IMMP2L: variants seen among roughly 807,000 people sequenced by gnomAD.
IMMP2L encodes the protein inner mitochondrial membrane peptidase subunit 2.
Under a neutral mutation model 19.3 loss-of-function variants are expected in IMMP2L, and 18 were observed. That is an observed-to-expected ratio of 0.93 (90% CI 0.64 to 1.38). The LOEUF is 1.38. Among genes scored for constraint, IMMP2L ranks in the 40% most tolerant of loss-of-function variants. IMMP2L has a pLI of 0.00. For missense variants in IMMP2L, 233 were observed against 218.2 expected, an observed-to-expected ratio of 1.07 and a Z score of -0.43; for synonymous variants, 76 against 73.0, an observed-to-expected ratio of 1.04 and a Z score of -0.21.
intron 5 of IMMP2L, among the ~76,000 whole-genome samples, chr7:110,783,577 A>G: frequency 6.6e-6 from 1 of 151,906 alleles, no homozygotes; most frequent in East Asian, 1.9e-4. Context: ...CTCCTGGTAT[A>G]TATAGACAGT....
At chr7:111,510,116 A>T (rs547798814) in intron 2 of IMMP2L, among the ~76,000 whole-genome samples, 1 of 152,300 alleles carries the variant, frequency 6.6e-6, no homozygotes, top group East Asian at 1.9e-4. Context: ...AGTTACATGA[A>T]GAAAATAGAG....
intron 5 of IMMP2L, among the ~76,000 whole-genome samples, chr7:110,810,582 T>C (rs1457630828): frequency 3.3e-5 from 5 of 152,048 alleles, no homozygotes; most frequent in South Asian, 4.1e-4. Context: ...TTGCAATTTT[T>C]TGAATCTTTG....
chr7:111,075,426 C>A (rs554854558), intron 3 of IMMP2L, among the ~76,000 whole-genome samples: 2 of 152,236 alleles, frequency 1.3e-5, no homozygotes, highest in South Asian at 2.1e-4. Flanking sequence ...CTGCACCCGA[C>A]CTTGTTTACA....
intron 5 of IMMP2L, among the ~76,000 whole-genome samples, chr7:110,856,262 C>CT (rs995250039): frequency 1.3e-5 from 2 of 151,816 alleles, no homozygotes; most frequent in African/African-American, 4.8e-5. Flanking sequence ...TTAGTTTATT[C>CT]TTTTTTTAAG....
At position 110,932,909 on chromosome 7, in the gene IMMP2L, T is replaced by C. The variant is rs62464017; in HGVS notation, c.305+30591A>G. ...AATTTGCGAGCATGATATATGACCA[T>C]ACATGCCTGCAATAGGAGGGTGAAC... On this transcript the variant is annotated intron_variant, in intron 4 of 5. Coordinates refer to ENST00000405709, the MANE Select transcript of IMMP2L (RefSeq NM_032549.4). Among the ~76,000 whole-genome samples the C allele has an allele frequency of 6.5e-3, 992 of 152,284 alleles. 3 individuals are homozygous for C. Among genetic ancestry groups the C allele is most frequent in the Non-Finnish European group, 9.1e-3 (618 of 68,012 alleles).
chr7:110,757,238 A>G lies in IMMP2L; in HGVS notation c.409-93517T>C, dbSNP rs1292152998. Among the ~76,000 whole-genome samples the G allele has an allele frequency of 2.0e-5, 3 of 151,986 alleles. No homozygotes were observed. Among genetic ancestry groups the G allele is most frequent in the African/African-American group, 7.2e-5 (3 of 41,412 alleles). ...TCAGGGCTGGCTTCACGGGTGTGCAATCTGGGGAGTCACTGAGGGAACCAC... is the reference window on the plus strand; with the variant it reads ...TCAGGGCTGGCTTCACGGGTGTGCAGTCTGGGGAGTCACTGAGGGAACCAC... On this transcript the variant is annotated intron_variant, in intron 5 of 5. Transcript: ENST00000405709. The surrounding 1 kb of genome is among the most constrained non-coding windows in gnomAD (Gnocchi z 4.2).
chr7:111,455,001 G>A (rs1839560004), intron 3 of IMMP2L, among the ~76,000 whole-genome samples: 1 of 151,614 alleles, frequency 6.6e-6, no homozygotes, highest in Non-Finnish European at 1.5e-5. Flanking sequence ...GTGAAACACT[G>A]AAATATGCAA....
chr7:110,815,822 T>A (rs1264346689), intron 5 of IMMP2L, among the ~76,000 whole-genome samples: 1 of 152,156 alleles, frequency 6.6e-6, no homozygotes, highest in Non-Finnish European at 1.5e-5. Context: ...ATCCCCTTTA[T>A]CATTTTTTAT....
At chr7:111,010,930 C>A (rs1824876648) in intron 3 of IMMP2L, among the ~76,000 whole-genome samples, 1 of 130,424 alleles carries the variant, frequency 7.7e-6, no homozygotes, top group Non-Finnish European at 1.8e-5. Flanking sequence ...ATGAGGCCAT[C>A]AGAGCTGGAC....
chr7:110,828,719 C>A (rs1803713123), intron 5 of IMMP2L, among the ~76,000 whole-genome samples: 1 of 152,060 alleles, frequency 6.6e-6, no homozygotes, highest in African/African-American at 2.4e-5. Flanking sequence ...AAAACACTAA[C>A]AAGACTCTCC....
intron 1 of IMMP2L, among the ~76,000 whole-genome samples, chr7:111,544,025 C>G (rs939564027): frequency 9.2e-5 from 14 of 152,050 alleles, no homozygotes; most frequent in African/African-American, 3.4e-4. Flanking sequence ...AACATAATAC[C>G]TGGCTGAAGG....
intron 3 of IMMP2L, among the ~76,000 whole-genome samples, chr7:111,092,131 A>G (rs1022697992): frequency 1.3e-5 from 2 of 152,210 alleles, no homozygotes; most frequent in African/African-American, 4.8e-5. Context: ...GCCAGGCTAC[A>G]TCTTACGGAC....
At chr7:110,765,497 T>A (rs1048594511) in intron 5 of IMMP2L, among the ~76,000 whole-genome samples, 1 of 151,798 alleles carries the variant, frequency 6.6e-6, no homozygotes, top group Non-Finnish European at 1.5e-5. Context: ...GTTTTCAAAA[T>A]TTTTTTTTCT....
intron 3 of IMMP2L, among the ~76,000 whole-genome samples, chr7:111,340,070 G>A (rs934229831): frequency 6.6e-6 from 1 of 151,672 alleles, no homozygotes; most frequent in Non-Finnish European, 1.5e-5. Flanking sequence ...ACATAATCAA[G>A]AAACTCTAGT....
At chr7:111,112,612 A>G (rs1799373711) in intron 3 of IMMP2L, among the ~76,000 whole-genome samples, 1 of 152,194 alleles carries the variant, frequency 6.6e-6, no homozygotes, top group African/African-American at 2.4e-5. Flanking sequence ...ACTTTTTTGT[A>G]TCCTCTGGAC....
chr7:110,987,719 G>A (rs1013483342), intron 3 of IMMP2L, among the ~76,000 whole-genome samples: 4 of 152,160 alleles, frequency 2.6e-5, no homozygotes, highest in East Asian at 3.8e-4. Context: ...TGCAGGTGTC[G>A]AAATGTCTTT....
chr7:111,475,153 T>C (rs746987733), intron 3 of IMMP2L, among the ~76,000 whole-genome samples: 8 of 152,182 alleles, frequency 5.3e-5, no homozygotes, highest in Non-Finnish European at 8.8e-5. Context: ...TAAGTATTAA[T>C]GTAACCTCTG....
chr7:110,822,530 T>C (rs1368172769), intron 5 of IMMP2L, among the ~76,000 whole-genome samples: 1 of 152,134 alleles, frequency 6.6e-6, no homozygotes, highest in Non-Finnish European at 1.5e-5. Flanking sequence ...AAGAAATTTT[T>C]CCTTACCTGT....
chr7:111,142,480 T>C (rs1343514186), intron 3 of IMMP2L, among the ~76,000 whole-genome samples: 3 of 152,192 alleles, frequency 2.0e-5, no homozygotes, highest in African/African-American at 4.8e-5. Flanking sequence ...TATCATTTTA[T>C]ACACATATTG....
Sources: allele counts gnomAD v4.1 joint callset (sites outside exome capture counted in the v4.1 genomes callset), GRCh38; gene constraint gnomAD v4.1.1; non-coding constraint Gnocchi (gnomAD v3.1); transcripts MANE v1.5; gene names NCBI Gene and HGNC (gene_info 2026-07-23, HGNC 2026-07-21).